SPP2: variants seen among roughly 807,000 people sequenced by gnomAD.
SPP2 encodes secreted phosphoprotein 24.
Under a neutral mutation model 28.8 loss-of-function variants are expected in SPP2, and 34 were observed. The ratio of observed to expected loss-of-function variants is 1.18; its 90% CI spans 0.90 to 1.57. The LOEUF (loss-of-function observed/expected upper bound fraction) is 1.57. Among genes scored for constraint, SPP2 ranks in the 40% most tolerant of loss-of-function variants. The probability of loss-of-function intolerance (pLI) is 0.00; values close to 1 mark genes in which losing one functional copy is unlikely to be tolerated. For missense variants in SPP2, 269 were observed against 263.9 expected, an observed-to-expected ratio of 1.02 and a Z score of -0.13; for synonymous variants, 96 against 89.4, an observed-to-expected ratio of 1.07 and a Z score of -0.42.
At chr2:234,073,265 A>G (rs891614953) in intron 7 of SPP2, among the ~76,000 whole-genome samples, 1 of 152,236 alleles carries the variant, frequency 6.6e-6, no homozygotes, top group African/African-American at 2.4e-5. Context: ...TATTAATGAT[A>G]TGTCTATACA....
intron 2 of SPP2, among the ~76,000 whole-genome samples, chr2:234,052,301 G>T (rs1013004263): frequency 6.6e-6 from 1 of 152,152 alleles, no homozygotes; most frequent in Non-Finnish European, 1.5e-5. Flanking sequence ...TATTTCAAAT[G>T]CCAGTTTCCA....
At position 234,069,861 on chromosome 2, in the gene SPP2, C is replaced by T; in HGVS notation, c.551-67C>T. On this transcript the variant is annotated intron_variant, in intron 6 of 7. Transcript: ENST00000168148. ...AATCCTCCTCATTAATTTGTAGTAA[C>T]ATTGTCCACACTGTCTCAGATCTTG... 5 of 1,256,094 alleles carry T rather than the reference C, an allele frequency of 4.0e-6. No homozygotes were observed. The East Asian group carries it at 7.0e-5, about 18-fold the overall frequency. The allele number at this position is 1,256,094 out of a possible 1,614,324, so 77.8% of individuals were successfully genotyped here. A position where few individuals can be genotyped will look rare whatever the true frequency, so the allele number is the denominator to read the frequency against.
At chr2:234,065,678 A>G (rs1044714706) in intron 4 of SPP2, among the ~76,000 whole-genome samples, 6 of 152,170 alleles carry the variant, frequency 3.9e-5, no homozygotes, top group African/African-American at 1.4e-4. Flanking sequence ...CTATGATTTA[A>G]TTGCACTATT....
rs756951108 is a variant in SPP2 at position 234,066,613 on chromosome 2, C to CT, written c.499+33dup. ...GTAAGTTAAGATCTGTTCTTTTTAA[C>CT]TTTTTTTCTTAAAATAACTCCATAT... On this transcript the variant is annotated intron_variant, in intron 5 of 7. Transcript: ENST00000168148. The CT allele has an allele frequency of 3.8e-6, 6 of 1,574,618 alleles. No individual in the cohort carries two copies. The South Asian group carries it at 6.9e-5, about 18-fold the overall frequency.
At position 234,058,888 on chromosome 2, in the gene SPP2, G is replaced by T. The variant is rs746289744; in HGVS notation, c.263G>T (p.Arg88Leu). ...GTCATGAATTTAGAGTTCAGCATCC[G>T]GGAGACTACATGCAGGAAGGATTCT... is the stretch of plus-strand genomic sequence containing the variant. ...NLVMNLEFSI[R>L]ETTCRKDSGE... The change falls in exon 3 of 8, where the codon CGG (arginine) becomes CTG (leucine). Residue 88 changes from arginine to leucine, a missense_variant. By Grantham distance (102) the Arg-to-Leu change is moderately radical (BLOSUM62 -2). Transcript: ENST00000168148. The T allele has an allele frequency of 1.2e-6, 2 of 1,614,036 alleles. No individual in the cohort carries two copies. Among genetic ancestry groups the T allele is most frequent in the Non-Finnish European group, 1.7e-6 (2 of 1,179,964 alleles).
chr2:234,074,801 A>G (rs1690863327), intron 7 of SPP2, among the ~76,000 whole-genome samples: 1 of 152,148 alleles, frequency 6.6e-6, no homozygotes, highest in African/African-American at 2.4e-5. Context: ...TAGATGCCGT[A>G]TTTAATAGAT....
intron 3 of SPP2, among the ~76,000 whole-genome samples, chr2:234,059,901 G>C (rs992843164): frequency 1.3e-5 from 2 of 151,236 alleles, no homozygotes; most frequent in African/African-American, 4.9e-5. Flanking sequence ...TGAGGTTCAA[G>C]CTCGTGGGTT....
chr2:234,058,386 G>A (rs945079301), intron 2 of SPP2, among the ~76,000 whole-genome samples: 2 of 152,148 alleles, frequency 1.3e-5, no homozygotes, highest in Non-Finnish European at 2.9e-5. Flanking sequence ...CTCCTTGTTC[G>A]GCTCCTGTTG....
At chr2:234,052,897 T>C (rs1693527528) in intron 2 of SPP2, among the ~76,000 whole-genome samples, 1 of 152,208 alleles carries the variant, frequency 6.6e-6, no homozygotes, top group Non-Finnish European at 1.5e-5. Flanking sequence ...GTTGTGTGTA[T>C]TAACCATGTC....
At chr2:234,059,436 A>T (rs1693674023) in intron 3 of SPP2, among the ~76,000 whole-genome samples, 2 of 152,190 alleles carry the variant, frequency 1.3e-5, no homozygotes, top group African/African-American at 4.8e-5. Flanking sequence ...CAGAACATGT[A>T]CAGCACTGTT....
At chr2:234,067,848 A>G (rs907008631) in intron 6 of SPP2, among the ~76,000 whole-genome samples, 5 of 151,002 alleles carry the variant, frequency 3.3e-5, no homozygotes, top group Non-Finnish European at 7.4e-5. Flanking sequence ...CTCAGGAAAT[A>G]AGCATTCACC....
intron 7 of SPP2, among the ~76,000 whole-genome samples, chr2:234,074,753 T>A (rs1475756483): frequency 6.6e-6 from 1 of 152,184 alleles, no homozygotes; most frequent in East Asian, 1.9e-4. Context: ...TTTCCTCAAC[T>A]GATTAGTCTA....
chr2:234,071,230 A>G (rs1690774079), intron 7 of SPP2, among the ~76,000 whole-genome samples: 1 of 152,124 alleles, frequency 6.6e-6, no homozygotes. Flanking sequence ...CTGATCCCAT[A>G]CTGTCTACCT....
At position 234,071,338 on chromosome 2, in the gene SPP2, GT is replaced by G; in HGVS notation, c.*10+1316del. ...GCTTCACTTGTGGGACTGAGCAGAG[GT>G]GGGCAACAGCCAGACACTGGGCCAA... On this transcript the variant is annotated intron_variant, in intron 7 of 7. Transcript: ENST00000168148. 2.0e-5 allele frequency among the ~76,000 whole-genome samples: 3 copies of G among 152,250 alleles called. No individual in the cohort carries two copies. The East Asian group carries it at 5.8e-4, about 29-fold the overall frequency.
At position 234,059,965 on chromosome 2, in the gene SPP2, C is replaced by T. The variant is rs138260929; in HGVS notation, c.334-404C>T. Among the ~76,000 whole-genome samples the T allele has an allele frequency of 3.5e-3, 537 of 152,314 alleles. 5 individuals carry two copies. The highest frequency in any genetic ancestry group is 0.012 in the African/African-American group (518 of 41,574). ...GTTATTTGTTTCATGAAACTACTCA[C>T]TGTGACTCTGTTTTACAAAGGACTC... On this transcript the variant is annotated intron_variant, in intron 3 of 7. Transcript: ENST00000168148.
intron 4 of SPP2, among the ~76,000 whole-genome samples, chr2:234,064,336 G>A (rs1693777580): frequency 6.6e-6 from 1 of 152,054 alleles, no homozygotes; most frequent in South Asian, 2.1e-4. Context: ...AGGAAGTAAA[G>A]CCTCAAGCTA....
chr2:234,065,993 A>G (rs908854441), intron 4 of SPP2, among the ~76,000 whole-genome samples: 1 of 152,186 alleles, frequency 6.6e-6, no homozygotes, highest in Non-Finnish European at 1.5e-5. Context: ...GTCCCTTCCC[A>G]GTCCAACTAC....
rs1161683369 is a variant in SPP2 at position 234,050,722 on chromosome 2, C to T, written c.-65C>T. 7.1e-7 allele frequency: 1 copy of T among 1,410,144 alleles called. No individual in the cohort carries two copies. 87.4% of individuals were successfully genotyped at this position (1,410,144 alleles called of 1,614,324 possible). ...CAGCCAGTGTTTGATAAAGACAGCTCCTCTTAGGAAGAACTGTCATCCCCA... is the reference window on the plus strand; with the variant it reads ...CAGCCAGTGTTTGATAAAGACAGCTTCTCTTAGGAAGAACTGTCATCCCCA... On this transcript the variant is annotated 5_prime_UTR_variant, in exon 1 of 8. Coordinates refer to ENST00000168148, the MANE Select transcript of SPP2 (RefSeq NM_006944.3).
intron 3 of SPP2, 27 bp from the exon 4 acceptor site, chr2:234,060,342 G>A (rs1400916660): frequency 7.2e-6 from 11 of 1,530,346 alleles, no homozygotes; most frequent in East Asian, 4.5e-5. Context: ...CAGCTGAAGA[G>A]AGAACTCACC....
Sources: gnomAD v4.1 joint callset for allele counts (sites outside exome capture counted in the v4.1 genomes callset) on GRCh38, gnomAD v4.1.1 for gene constraint, MANE v1.5 for transcripts, NCBI Gene and HGNC (gene_info 2026-07-23, HGNC 2026-07-21) for gene names.